The following AKAP6 variants were observed in gnomAD, a reference collection of about 807,000 sequenced individuals.
AKAP6 encodes A-kinase anchoring protein 6, also known as A-kinase anchor protein 6.
Under a neutral mutation model 188.5 loss-of-function variants are expected in AKAP6, and 58 were observed. The ratio of observed to expected loss-of-function variants is 0.31; its 90% CI spans 0.25 to 0.38. The LOEUF is 0.38. Ranked by LOEUF, AKAP6 falls within the 10% of genes least tolerant of loss-of-function variation. The pLI, the probability that AKAP6 is intolerant of heterozygous loss-of-function variation, is 1.00. For synonymous variants in AKAP6, 989 were observed against 998.6 expected (o/e 0.99, Z 0.18); for missense variants, 2,710 against 2,740.0 (o/e 0.99, Z 0.24).
chr14:32,683,021 C>G (rs1436483696), intron 8 of AKAP6, among the ~76,000 whole-genome samples: 1 of 93,820 alleles, frequency 1.1e-5, no homozygotes, highest in Non-Finnish European at 2.0e-5. Context: ...TGAGACAAAG[C>G]CTTGCTCTGT....
At chr14:32,498,561 T>C (rs1020598076) in intron 2 of AKAP6, among the ~76,000 whole-genome samples, 2 of 152,162 alleles carry the variant, frequency 1.3e-5, no homozygotes, top group African/African-American at 4.8e-5. Context: ...ATATTGACTA[T>C]TTTATGTAGC....
chr14:32,447,156 T>C (rs2138760376), intron 2 of AKAP6, among the ~76,000 whole-genome samples: 1 of 152,308 alleles, frequency 6.6e-6, no homozygotes, highest in African/African-American at 2.4e-5. Context: ...TCATGCACAC[T>C]CAGCCTGCAC....
At chr14:32,675,055 C>T (rs1286179313) in intron 7 of AKAP6, among the ~76,000 whole-genome samples, 2 of 152,168 alleles carry the variant, frequency 1.3e-5, no homozygotes, top group Non-Finnish European at 2.9e-5. Context: ...GGCATTCACA[C>T]TTCATCTCCT....
At chr14:32,775,017 G>T (rs965678334) in intron 12 of AKAP6, among the ~76,000 whole-genome samples, 3 of 152,046 alleles carry the variant, frequency 2.0e-5, no homozygotes, top group Admixed American at 1.3e-4. Flanking sequence ...TGAGTCTAGG[G>T]GGTGATTTTA....
Position 32,341,416 on chromosome 14 carries a change from CT to C in AKAP6, c.-35+12011del, listed in dbSNP as rs1412974563. On this transcript the variant is annotated intron_variant, in intron 1 of 13. Coordinates refer to ENST00000280979, the MANE Select transcript of AKAP6 (RefSeq NM_004274.5). ...GCCAAATATTAACAGTTTCATGATACTTTGATAACAGTTTCCAATAATTTGT... is the reference window on the plus strand; with the variant it reads ...GCCAAATATTAACAGTTTCATGATACTTGATAACAGTTTCCAATAATTTGT... 2.0e-5 allele frequency among the ~76,000 whole-genome samples: 3 copies of C among 152,144 alleles called. No homozygotes were observed. The East Asian group carries it at 5.8e-4, about 29-fold the overall frequency.
rs201231103 is a variant in AKAP6, at chr14:32,361,053, C to CATATATATATATATATATATATAT, written c.-35+31648_-35+31649insTATATATATATATATATATATATA. Among the ~76,000 whole-genome samples, 85 of 111,924 alleles carry CATATATATATATATATATATATAT rather than the reference C, an allele frequency of 7.6e-4. 5 individuals are homozygous for CATATATATATATATATATATATAT. The highest frequency in any genetic ancestry group is 3.7e-3 in the Middle Eastern group (1 of 268). 73.4% of individuals were successfully genotyped at this position (111,924 alleles called of 152,430 possible). On this transcript the variant is annotated intron_variant, in intron 1 of 13. Coordinates refer to ENST00000280979, the MANE Select transcript of AKAP6 (RefSeq NM_004274.5). ...TGTGAGCCACTGCACAAGGCCTGAACATACATATATATATATATTTGAGAA... is the reference window on the plus strand; with the variant it reads ...TGTGAGCCACTGCACAAGGCCTGAACATATATATATATATATATATATATATACATATATATATATATTTGAGAA...
At chr14:32,495,929 A>T (rs1880293276) in intron 2 of AKAP6, among the ~76,000 whole-genome samples, 1 of 152,232 alleles carries the variant, frequency 6.6e-6, no homozygotes, top group Admixed American at 6.5e-5. Flanking sequence ...TGTAAGTAAC[A>T]TAAATTGCTG....
At chr14:32,396,967 T>C (rs1888898355) in intron 1 of AKAP6, among the ~76,000 whole-genome samples, 1 of 152,138 alleles carries the variant, frequency 6.6e-6, no homozygotes, top group Admixed American at 6.6e-5. Context: ...ACTTCTCTAA[T>C]GTTGAATAGG....
intron 1 of AKAP6, among the ~76,000 whole-genome samples, chr14:32,432,883 T>G (rs1890265618): frequency 6.6e-6 from 1 of 152,184 alleles, no homozygotes; most frequent in African/African-American, 2.4e-5. Flanking sequence ...CGGTATCAAG[T>G]GGAACCCGTG....
At chr14:32,430,307 G>A (rs953758109) in intron 1 of AKAP6, among the ~76,000 whole-genome samples, 1 of 152,140 alleles carries the variant, frequency 6.6e-6, no homozygotes, top group Non-Finnish European at 1.5e-5. Context: ...AAGAAACTGA[G>A]GCCAAGAAAT....
intron 5 of AKAP6, among the ~76,000 whole-genome samples, chr14:32,591,648 CTTT>C (rs71432068): frequency 9.1e-5 from 12 of 131,858 alleles, no homozygotes; most frequent in Admixed American, 1.5e-4. Flanking sequence ...AGTGTCTTCT[CTTT>C]TTTTTTTTTT....
At chr14:32,658,224 T>C (rs1052897812) in intron 7 of AKAP6, among the ~76,000 whole-genome samples, 3 of 152,096 alleles carry the variant, frequency 2.0e-5, no homozygotes, top group Non-Finnish European at 4.4e-5. Context: ...ATGGGGATTT[T>C]TCAAGCCAAA....
chr14:32,749,706 GGC>G (rs2032052236), intron 11 of AKAP6, among the ~76,000 whole-genome samples: 1 of 152,164 alleles, frequency 6.6e-6, no homozygotes, highest in African/African-American at 2.4e-5. Context: ...GTGCGGTGAT[GGC>G]AAACAAATGT....
At chr14:32,382,031 AACTTTCT>A (rs1888378817) in intron 1 of AKAP6, among the ~76,000 whole-genome samples, 2 of 152,176 alleles carry the variant, frequency 1.3e-5, no homozygotes, top group Non-Finnish European at 2.9e-5. Context: ...TGTGTTACTT[AACTTTCT>A]GGGCCTCAGT....
intron 1 of AKAP6, among the ~76,000 whole-genome samples, chr14:32,357,630 C>G (rs1482025977): frequency 3.9e-5 from 6 of 152,220 alleles, no homozygotes; most frequent in African/African-American, 1.4e-4. Context: ...ACAATCAAAT[C>G]TTGGCTGCTA....
chr14:32,378,697 GA>G (rs952073537), intron 1 of AKAP6, among the ~76,000 whole-genome samples: 2 of 152,138 alleles, frequency 1.3e-5, no homozygotes, highest in African/African-American at 4.8e-5. Context: ...CTATTAAGAT[GA>G]CCAAAACTAG....
chr14:32,447,385 C>T (rs1476168282), intron 2 of AKAP6, among the ~76,000 whole-genome samples: 2 of 152,184 alleles, frequency 1.3e-5, no homozygotes, highest in African/African-American at 4.8e-5. Flanking sequence ...AATTTTCCTT[C>T]TGTTCTTTCT....
At position 32,822,763 on chromosome 14, in the gene AKAP6, A is replaced by G. The variant is rs1209564098; in HGVS notation, c.4950A>G (p.Ile1650Met). 1 of 1,613,824 alleles carries G rather than the reference A, an allele frequency of 6.2e-7. No individual in the cohort carries two copies. The highest frequency in any genetic ancestry group is 1.3e-5 in the African/African-American group (1 of 74,922). The change falls in exon 13 of 14, where the codon ATA becomes ATG. Residue 1650 changes from isoleucine (I) to methionine (M), a missense_variant. This residue lies in a region of AKAP6 where 2,473 missense variants were observed against 2,426.1 expected (regional missense o/e 1.02). Coordinates refer to ENST00000280979, the MANE Select transcript of AKAP6 (RefSeq NM_004274.5). ...TCCAGAGCCCCTCAGAGCAAAAGAT[A>G]AAACGAAGTGTTTCTGATATCACTC... Reference protein sequence around the residue: ...ENIQSPSEQKIKRSVSDITLQ... With the variant: ...ENIQSPSEQKMKRSVSDITLQ...
rs1303145006 is a variant in AKAP6, at chr14:32,831,255, C to A, written c.*1450C>A. The A allele has an allele frequency of 3.9e-5, 6 of 152,152 alleles. No individual in the cohort carries two copies. The highest frequency in any genetic ancestry group is 1.4e-4 in the African/African-American group (6 of 41,440). 9.4% of individuals were successfully genotyped at this position (152,152 alleles called of 1,614,324 possible). On this transcript the variant is annotated 3_prime_UTR_variant, in exon 14 of 14. Coordinates refer to ENST00000280979, the MANE Select transcript of AKAP6 (RefSeq NM_004274.5). ...AAAGAAATATTTCATCTGGCCTTTA[C>A]TGACTCCTGTTAAATGCAGTTTTAA...
Sources: allele counts gnomAD v4.1 joint callset (sites outside exome capture counted in the v4.1 genomes callset), GRCh38; gene constraint gnomAD v4.1.1; regional missense constraint gnomAD v4.1.1; transcripts MANE v1.5; gene names NCBI Gene and HGNC (gene_info 2026-07-23, HGNC 2026-07-21).